Variants in COL4A3 observed in about 807,000 individuals in gnomAD.
COL4A3 encodes collagen type IV alpha 3 chain, also known as collagen alpha-3(IV) chain.
A neutral mutation model predicts 217.4 loss-of-function variants in COL4A3; 135 were observed. That is an observed-to-expected ratio of 0.62 (90% CI 0.54 to 0.72). The LOEUF (loss-of-function observed/expected upper bound fraction) is 0.72. Among genes scored for constraint, COL4A3 ranks in the 30% least tolerant of loss-of-function variants. The pLI is 0.00. For synonymous variants in COL4A3, 690 were observed against 736.3 expected, an observed-to-expected ratio of 0.94 and a Z score of 1.02; for missense variants, 1,868 against 2,119.9, an observed-to-expected ratio of 0.88 and a Z score of 2.33.
chr2:227,184,813 T>C (rs544193852), intron 1 of COL4A3, among the ~76,000 whole-genome samples: 3 of 147,500 alleles, frequency 2.0e-5, no homozygotes, highest in Non-Finnish European at 4.5e-5. Context: ...TTTTTTTCAT[T>C]ATGCGCATTT....
chr2:227,173,902 C>T (rs557731637), intron 1 of COL4A3, among the ~76,000 whole-genome samples: 1 of 152,118 alleles, frequency 6.6e-6, no homozygotes, highest in Non-Finnish European at 1.5e-5. Flanking sequence ...CATCTATAGC[C>T]ATATGTAGCC....
intron 1 of COL4A3, among the ~76,000 whole-genome samples, chr2:227,171,855 A>G (rs2065485469): frequency 6.6e-6 from 1 of 152,206 alleles, no homozygotes; most frequent in Admixed American, 6.5e-5. Context: ...CAAGCGGGCA[A>G]CTTGAAAGGC....
intron 1 of COL4A3, among the ~76,000 whole-genome samples, chr2:227,211,543 G>A (rs191588362): frequency 7.4e-4 from 112 of 152,318 alleles, no homozygotes; most frequent in African/African-American, 2.6e-3. Flanking sequence ...ATCTTTATTA[G>A]CAAGTGCTAC....
chr2:227,243,293 G>A (rs2069133103), intron 3 of COL4A3, among the ~76,000 whole-genome samples: 1 of 152,084 alleles, frequency 6.6e-6, no homozygotes, highest in Non-Finnish European at 1.5e-5. Flanking sequence ...TGTATGAATA[G>A]CTACAAAAGA....
intron 1 of COL4A3, among the ~76,000 whole-genome samples, chr2:227,202,734 C>CT (rs569582158): frequency 0.027 from 433 of 16,274 alleles, 8 homozygotes; most frequent in African/African-American, 0.069. Context: ...GAATCCGTCT[C>CT]TAAAAAAAAA....
At chr2:227,310,477 G>A (rs559714740) in intron 50 of COL4A3, among the ~76,000 whole-genome samples, 4 of 152,162 alleles carry the variant, frequency 2.6e-5, no homozygotes, top group South Asian at 2.1e-4. Flanking sequence ...CCACCATGCC[G>A]GCTACTTTTT....
chr2:227,204,740 C>A (rs969703389), intron 1 of COL4A3, among the ~76,000 whole-genome samples: 1 of 152,220 alleles, frequency 6.6e-6, no homozygotes, highest in African/African-American at 2.4e-5. Flanking sequence ...GCCGTTCATG[C>A]GTAGCTTCCA....
intron 1 of COL4A3, among the ~76,000 whole-genome samples, chr2:227,236,849 T>C (rs2068732071): frequency 6.6e-6 from 1 of 152,002 alleles, no homozygotes; most frequent in South Asian, 2.1e-4. Flanking sequence ...TTAGTTGAGA[T>C]GGGGTTTCAT....
At chr2:227,256,197 G>T (rs1273224218) in intron 16 of COL4A3, 127 bp downstream of exon 16, 3 of 1,166,858 alleles carry the variant, frequency 2.6e-6, no homozygotes, top group East Asian at 4.7e-5. Flanking sequence ...AACTGCATTT[G>T]GGAATCATAG....
Position 227,312,093 on chromosome 2 carries a change from C to A in COL4A3, c.*223C>A. 5.9e-6 allele frequency: 4 copies of A among 682,654 alleles called. No homozygotes were observed. The highest frequency in any genetic ancestry group is 3.1e-5 in the Admixed American group (1 of 32,096). 42.3% of individuals were successfully genotyped at this position (682,654 alleles called of 1,614,324 possible). A position where few individuals can be genotyped will look rare whatever the true frequency, so the allele number is the denominator to read the frequency against. Reference sequence around the variant, plus strand: ...TGTTTCAAAGTTCTCTGTGGCAAAGCAGCAACTATTCACAAAATATCACCA... The same window carrying A: ...TGTTTCAAAGTTCTCTGTGGCAAAGAAGCAACTATTCACAAAATATCACCA... On this transcript the variant is annotated 3_prime_UTR_variant, in exon 52 of 52. Coordinates refer to ENST00000396578, the MANE Select transcript of COL4A3 (RefSeq NM_000091.5).
Position 227,180,035 on chromosome 2 carries a change from G to A in COL4A3, c.87+15222G>A, listed in dbSNP as rs2065819234. 2.6e-5 allele frequency among the ~76,000 whole-genome samples: 4 copies of A among 152,134 alleles called. 1 individual carries two copies. The highest frequency in any genetic ancestry group is 1.3e-4 in the Admixed American group (2 of 15,256). The stretch of plus-strand genomic sequence containing the variant: ...GCAAAGTAAAGTGCTTAAAACTGTT[G>A]GTAATGAACTCAGAAAGCAACAAGT... On this transcript the variant is annotated intron_variant, in intron 1 of 51. Transcript: ENST00000396578.
At chr2:227,228,475 A>G (rs2068220024) in intron 1 of COL4A3, 1 of 152,296 alleles carries the variant, frequency 6.6e-6, no homozygotes, top group East Asian at 1.9e-4. Flanking sequence ...TGCAAAATCA[A>G]CAGACCTGCT....
intron 29 of COL4A3, among the ~76,000 whole-genome samples, 164 bp from the exon 30 acceptor site, chr2:227,280,276 T>A (rs958190864): frequency 6.6e-6 from 1 of 152,196 alleles, no homozygotes; most frequent in East Asian, 1.9e-4. Context: ...TGAAGTATTA[T>A]TAAACATAAT....
At chr2:227,276,330 G>A (rs1163451363) in intron 26 of COL4A3, 55 bp from the exon 27 acceptor site, 21 of 1,278,690 alleles carry the variant, frequency 1.6e-5, no homozygotes, top group South Asian at 9.5e-5. Flanking sequence ...TTCCGCTATC[G>A]TCTAAGACAA....
At chr2:227,240,703 C>T (rs1314454423) in intron 3 of COL4A3, among the ~76,000 whole-genome samples, 2 of 152,216 alleles carry the variant, frequency 1.3e-5, no homozygotes, top group African/African-American at 2.4e-5. Context: ...AAAACTTCCT[C>T]TCCATCTTTT....
intron 1 of COL4A3, among the ~76,000 whole-genome samples, chr2:227,185,955 C>G (rs1322773082): frequency 2.0e-5 from 3 of 152,188 alleles, no homozygotes; most frequent in Non-Finnish European, 2.9e-5. Context: ...CTGGGCATCA[C>G]CCTCTTGGAC....
intron 1 of COL4A3, among the ~76,000 whole-genome samples, chr2:227,197,624 A>G (rs1174004245): frequency 6.6e-6 from 1 of 152,236 alleles, no homozygotes; most frequent in East Asian, 1.9e-4. Flanking sequence ...GTTTATGTCA[A>G]AAGAGAAAGA....
chr2:227,173,453 T>G (rs767285092), intron 1 of COL4A3, among the ~76,000 whole-genome samples: 2 of 152,312 alleles, frequency 1.3e-5, no homozygotes, highest in East Asian at 1.9e-4. Context: ...CATGTCAGCC[T>G]TTCCATTCTT....
intron 51 of COL4A3, 89 bp downstream of exon 51, chr2:227,311,037 G>T: frequency 7.2e-7 from 1 of 1,384,622 alleles, no homozygotes. Flanking sequence ...GAGTAGCCAT[G>T]ATTTTGTACT....
Sources: allele counts gnomAD v4.1 joint callset (sites outside exome capture counted in the v4.1 genomes callset), GRCh38; gene constraint gnomAD v4.1.1; transcripts MANE v1.5; gene names NCBI Gene and HGNC (gene_info 2026-07-23, HGNC 2026-07-21).